The following CELSR1 variants were observed in gnomAD, a reference collection of about 807,000 sequenced individuals.
CELSR1 encodes adhesion G protein-coupled receptor C1.
Under a neutral mutation model 249.1 loss-of-function variants are expected in CELSR1, and 110 were observed. The ratio of observed to expected loss-of-function variants is 0.44; its 90% CI spans 0.38 to 0.52. The LOEUF (loss-of-function observed/expected upper bound fraction) is 0.52, where lower values mean the gene tolerates loss of function less well. Ranked by LOEUF, CELSR1 falls within the 20% of genes least tolerant of loss-of-function variation. The pLI is 0.00. For synonymous variants in CELSR1, 2,113 were observed against 1,900.0 expected (o/e 1.11, Z -2.92); for missense variants, 4,109 against 4,296.4 (o/e 0.96, Z 1.22).
rs202034570 is a variant in CELSR1 at position 46,365,253 on chromosome 22, G to A, written c.8532C>T (p.Gly2844=). Residue 2844 remains glycine, a synonymous_variant, in exon 32 of 35, where the codon GGC becomes GGT. Transcript: ENST00000674500. ...CACCTTTGGGGGTGCTGTGGACGGC[G>A]CCCCTGGCCGGGTCCCATTTTTCCT... The part of the protein sequence containing the change: ...GAEEKWDPAR[G]AVHSTPKGDA... 1.7e-4 allele frequency: 268 copies of A among 1,612,244 alleles called. 1 individual carries two copies. Among genetic ancestry groups the A allele is most frequent in the South Asian group, 2.1e-4 (19 of 91,060 alleles).
rs548280923 is a variant in CELSR1, at chr22:46,436,016, T to G, written c.4522+158A>C. Among the ~76,000 whole-genome samples, 103 of 152,238 alleles carry G rather than the reference T, an allele frequency of 6.8e-4. No homozygotes were observed. The highest frequency in any genetic ancestry group is 2.4e-3 in the African/African-American group (100 of 41,548). On this transcript the variant is annotated intron_variant, in intron 4 of 34. Coordinates refer to ENST00000674500, the MANE Select transcript of CELSR1 (RefSeq NM_001378328.1). The surrounding 1 kb of genome is among the most constrained non-coding windows in gnomAD (Gnocchi z 5.9). ...GCCCGGCCTGTTATGAACATCTTTG[T>G]GTACTTTGGATTTCTTAAATAAGAC...
rs376542810 is a variant in CELSR1 at position 46,454,537 on chromosome 22, G to A, written c.4183+9170C>T. 2.6e-5 allele frequency among the ~76,000 whole-genome samples: 4 copies of A among 152,226 alleles called. No individual in the cohort carries two copies. The highest frequency in any genetic ancestry group is 4.1e-4 in the South Asian group (2 of 4,836). On this transcript the variant is annotated intron_variant, in intron 2 of 34. Transcript: ENST00000674500. This position sits in a 1 kb window ranked among gnomAD's most constrained non-coding sequence, Gnocchi z 5.1. Reference sequence around the variant, plus strand: ...AACGGCGTGTGCTTTAAACCACAGCGAGGTTTCTATTGCATGCGGCTCGTC... The same window carrying A: ...AACGGCGTGTGCTTTAAACCACAGCAAGGTTTCTATTGCATGCGGCTCGTC...
rs558563248 is a variant in CELSR1, at chr22:46,464,888, C to G, written c.3545-543G>C. Among the ~76,000 whole-genome samples, 12 of 152,178 alleles carry G rather than the reference C, an allele frequency of 7.9e-5. No individual in the cohort carries two copies. Among genetic ancestry groups the G allele is most frequent in the South Asian group, 2.1e-4 (1 of 4,820 alleles). On this transcript the variant is annotated intron_variant, in intron 1 of 34. Coordinates refer to ENST00000674500, the MANE Select transcript of CELSR1 (RefSeq NM_001378328.1). This position sits in a 1 kb window ranked among gnomAD's most constrained non-coding sequence, Gnocchi z 8.5. Reference sequence around the variant, plus strand: ...CGCCCTGGTCCTGCCCAGGCGACATCCCCACCGACGTGCTGTGCTGAGGGT... The same window carrying G: ...CGCCCTGGTCCTGCCCAGGCGACATGCCCACCGACGTGCTGTGCTGAGGGT...
Position 46,535,864 on chromosome 22 carries a change from G to A in CELSR1, c.1307C>T (p.Pro436Leu), listed in dbSNP as rs2147828695. Residue 436 changes from proline to leucine, a missense_variant, in exon 1 of 35, where the codon CCG becomes CTG. Pro to Leu is a moderately conservative substitution (Grantham distance 98). Coordinates refer to ENST00000674500, the MANE Select transcript of CELSR1 (RefSeq NM_001378328.1). ...GGTGGCCGTGGCACTGAGCGGGCCC[G>A]GATTGCGCCCCTGGTCGTTGGCCTC... is the stretch of plus-strand genomic sequence containing the variant. ...LVEANDQGRN[P>L]GPLSATATVY... The A allele has an allele frequency of 6.2e-6, 10 of 1,610,690 alleles. No individual in the cohort carries two copies. The highest frequency in any genetic ancestry group is 6.8e-6 in the Non-Finnish European group (8 of 1,179,690).
In CELSR1 at chr22:46,365,630, T is replaced by G. The variant is rs2078761008; in HGVS notation, c.8360A>C (p.Glu2787Ala). 6.3e-7 allele frequency: 1 copy of G among 1,592,546 alleles called. No homozygotes were observed. The highest frequency in any genetic ancestry group is 1.3e-5 in the African/African-American group (1 of 74,276). Residue 2787 changes from glutamate (E) to alanine (A), a missense_variant, in exon 31 of 35, where the codon GAG becomes GCG. Glu to Ala is a moderately radical substitution (Grantham distance 107, BLOSUM62 -1). Transcript: ENST00000674500. ...CCTGGGCATGAGGGACGCGTCTGGC[T>G]CTCCGTGGCTGCCCCTCACCAGCCC... ...SSGLVRGSHG[E>A]PDASLMPRSC...
chr22:46,479,846 G>A (rs3827409), intron 1 of CELSR1, among the ~76,000 whole-genome samples: 11,307 of 151,420 alleles, frequency 0.075, 511 homozygotes, highest in Admixed American at 0.12. Context: ...TTTGGTAACG[G>A]GGGCTGCCTC....
At position 46,518,307 on chromosome 22, in the gene CELSR1, T is replaced by G. The variant is rs2080649304; in HGVS notation, c.3544+15320A>C. On this transcript the variant is annotated intron_variant, in intron 1 of 34. Coordinates refer to ENST00000674500, the MANE Select transcript of CELSR1 (RefSeq NM_001378328.1). This position sits in a 1 kb window ranked among gnomAD's most constrained non-coding sequence, Gnocchi z 5.2. The stretch of plus-strand genomic sequence containing the variant: ...GACCTTACTGAGGAGTCAGAGCCTG[T>G]GGGGGCACCATCAGCAGGGGCGCTC... 6.6e-6 allele frequency among the ~76,000 whole-genome samples: 1 copy of G among 152,152 alleles called. No homozygotes were observed. The highest frequency in any genetic ancestry group is 2.1e-4 in the South Asian group (1 of 4,826).
At position 46,364,231 on chromosome 22, in the gene CELSR1, T is replaced by C. The variant is rs1166331625; in HGVS notation, c.8800A>G (p.Thr2934Ala). The change falls in exon 34 of 35, where the codon ACC becomes GCC. Residue 2934 changes from threonine to alanine, a missense_variant. Physicochemically the swap from Thr to Ala is moderately conservative, Grantham distance 58. This residue lies in a region of CELSR1 where 1,805 missense variants were observed against 1,831.6 expected (regional missense o/e 0.99). Transcript: ENST00000674500. ...GTCAGCGTCAGCGGCGGCGGGTAGG[T>C]GACTTTATTTTTCAAGATGCCTGGG... The part of the protein sequence containing the change: ...QRKGILKNKV[T>A]YPPPLTLTEQ... 6.2e-7 allele frequency: 1 copy of C among 1,608,512 alleles called. No homozygotes were observed. Among genetic ancestry groups the C allele is most frequent in the East Asian group, 2.2e-5 (1 of 44,826 alleles).
intron 24 of CELSR1, among the ~76,000 whole-genome samples, chr22:46,376,333 A>G (rs1321493612): frequency 6.6e-6 from 1 of 152,190 alleles, no homozygotes; most frequent in Non-Finnish European, 1.5e-5. Context: ...TGCAATGCAA[A>G]TTCTCTAACG....
In CELSR1 at chr22:46,399,899, G is replaced by A. The variant is rs769489604; in HGVS notation, c.5230C>T (p.Leu1744=). ...GGPTSFRLQI[L]NNYLQFEVSH... ...ACCTCAAACTGGAGGTAGTTGTTCA[G>A]GATCTGGAGCAGGGAGAGCCACACC... The change falls in exon 10 of 35, where the codon CTG becomes TTG. Residue 1744 remains leucine, a synonymous_variant. Coordinates refer to ENST00000674500, the MANE Select transcript of CELSR1 (RefSeq NM_001378328.1). The surrounding 1 kb of genome is among the most constrained non-coding windows in gnomAD (Gnocchi z 5.0). 47 of 1,613,948 alleles carry A rather than the reference G, an allele frequency of 2.9e-5. No individual in the cohort carries two copies. The highest frequency in any genetic ancestry group is 1.1e-4 in the East Asian group (5 of 44,896).
intron 1 of CELSR1, among the ~76,000 whole-genome samples, chr22:46,525,485 C>T (rs1045436573): frequency 6.6e-6 from 1 of 151,998 alleles, no homozygotes; most frequent in African/African-American, 2.4e-5. Flanking sequence ...ACTACAACCC[C>T]TCCCAGCATT....
At chr22:46,371,188 T>C (rs1430263505) in intron 25 of CELSR1, among the ~76,000 whole-genome samples, 1 of 152,002 alleles carries the variant, frequency 6.6e-6, no homozygotes, top group Non-Finnish European at 1.5e-5. Context: ...CAGGGTCCCT[T>C]AGAGTAAGGG....
chr22:46,533,513 G>T, intron 1 of CELSR1, 114 bp downstream of exon 1: 1 of 1,423,106 alleles, frequency 7.0e-7, no homozygotes, highest in Non-Finnish European at 9.3e-7. Flanking sequence ...TTGCAGAGTT[G>T]CCCGGGCCCG....
intron 2 of CELSR1, among the ~76,000 whole-genome samples, chr22:46,458,072 G>T (rs1331140073): frequency 2.0e-5 from 3 of 151,944 alleles, no homozygotes; most frequent in Non-Finnish European, 2.9e-5. Context: ...ACAATGACAA[G>T]CAAACACCAC....
Position 46,397,786 on chromosome 22 carries a change from C to A in CELSR1, c.5589G>T (p.Lys1863Asn). Residue 1863 changes from lysine to asparagine, a missense_variant, in exon 12 of 35, where the codon AAG becomes AAT. Physicochemically the swap from Lys to Asn is moderately conservative, Grantham distance 94 (BLOSUM62 0). Transcript: ENST00000674500. ...CATCACAGCCGTCCTTCACCCTGACCTTGAGTGCGTTGTTCATGTTCAGGG... is the reference window on the plus strand; with the variant it reads ...CATCACAGCCGTCCTTCACCCTGACATTGAGTGCGTTGTTCATGTTCAGGG... The part of the protein sequence containing the change: ...VATLNMNNAL[K>N]VRVKDGCDVD... 2 of 1,604,394 alleles carry A rather than the reference C, an allele frequency of 1.2e-6. No homozygotes were observed. The highest frequency in any genetic ancestry group is 1.7e-5 in the Admixed American group (1 of 59,276).
intron 1 of CELSR1, among the ~76,000 whole-genome samples, chr22:46,515,940 T>TA (rs1266652387): frequency 2.6e-5 from 4 of 152,172 alleles, no homozygotes; most frequent in African/African-American, 9.7e-5. Context: ...TGGCGATCAT[T>TA]AAAAAGTCAG....
chr22:46,526,645 GC>G lies in CELSR1; in HGVS notation c.3544+6981del, dbSNP rs2080741347. Among the ~76,000 whole-genome samples, 1 of 152,122 alleles carries G rather than the reference GC, an allele frequency of 6.6e-6. No individual in the cohort carries two copies. The highest frequency in any genetic ancestry group is 2.1e-4 in the South Asian group (1 of 4,826). The stretch of plus-strand genomic sequence containing the variant: ...CCTCGGAGACACTCGCCCTCCCTCA[GC>G]CTCCAGGGCCTGCACCCGTGGGCCC... On this transcript the variant is annotated intron_variant, in intron 1 of 34. Coordinates refer to ENST00000674500, the MANE Select transcript of CELSR1 (RefSeq NM_001378328.1). This position sits in a 1 kb window ranked among gnomAD's most constrained non-coding sequence, Gnocchi z 4.7.
At chr22:46,478,456 A>C (rs970331491) in intron 1 of CELSR1, among the ~76,000 whole-genome samples, 26 of 152,248 alleles carry the variant, frequency 1.7e-4, no homozygotes, top group African/African-American at 6.0e-4. Context: ...GGCCCTGAGC[A>C]CCTGCCAAGG....
chr22:46,391,617 G>T lies in CELSR1; in HGVS notation c.6148+16C>A, dbSNP rs756790313. 8 of 1,578,428 alleles carry T rather than the reference G, an allele frequency of 5.1e-6. No homozygotes were observed. Among genetic ancestry groups the T allele is most frequent in the African/African-American group, 1.3e-5 (1 of 74,090 alleles). On this transcript the variant is annotated intron_variant, in intron 15 of 34. Coordinates refer to ENST00000674500, the MANE Select transcript of CELSR1 (RefSeq NM_001378328.1). The surrounding 1 kb of genome is among the most constrained non-coding windows in gnomAD (Gnocchi z 4.3). ...CCCGCGCTGTAACCTGCAGGGTGTC[G>T]AGGGGCAACGCGGACCTTCACAGCC...
Sources: gnomAD v4.1 joint callset for allele counts (sites outside exome capture counted in the v4.1 genomes callset) on GRCh38, gnomAD v4.1.1 for gene constraint, gnomAD v4.1.1 regional missense constraint, Gnocchi (gnomAD v3.1) non-coding constraint, MANE v1.5 for transcripts, NCBI Gene and HGNC (gene_info 2026-07-23, HGNC 2026-07-21) for gene names.